Variants in FRYL observed in about 807,000 individuals in gnomAD.
The protein encoded by FRYL is FRY like transcription coactivator.
FRYL carries 150 observed loss-of-function variants against 351.2 expected under a neutral mutation model. The ratio of observed to expected loss-of-function variants is 0.43; its 90% CI spans 0.37 to 0.49. The LOEUF (loss-of-function observed/expected upper bound fraction) is 0.49. Among genes scored for constraint, FRYL ranks in the 20% least tolerant of loss-of-function variants. The pLI is 0.00. For synonymous variants in FRYL, 1,153 were observed against 1,257.1 expected (o/e 0.92, Z 1.75); for missense variants, 3,036 against 3,619.3 (o/e 0.84, Z 4.13).
intron 3 of FRYL, among the ~76,000 whole-genome samples, chr4:48,670,087 A>G (rs1443499929): frequency 2.0e-5 from 3 of 152,186 alleles, no homozygotes; most frequent in Non-Finnish European, 4.4e-5. Context: ...TATCCTTTGC[A>G]TTCCAGACAA....
chr4:48,761,310 G>A (rs766725298), intron 1 of FRYL, among the ~76,000 whole-genome samples: 2 of 152,058 alleles, frequency 1.3e-5, no homozygotes, highest in East Asian at 1.9e-4. Context: ...ATATAAAATC[G>A]TGGGTGCATA....
rs1489007682 is a variant in FRYL, at chr4:48,567,898, AG to A, written c.2997-479del. Among the ~76,000 whole-genome samples, 1 of 152,366 alleles carries A rather than the reference AG, an allele frequency of 6.6e-6. No homozygotes were observed. Among genetic ancestry groups the A allele is most frequent in the East Asian group, 1.9e-4 (1 of 5,190 alleles). On this transcript the variant is annotated intron_variant, in intron 27 of 63. Transcript: ENST00000358350. The surrounding 1 kb of genome is among the most constrained non-coding windows in gnomAD (Gnocchi z 4.2). ...GTATTATCAGGGATGCAAAAATCTA[AG>A]AGAATTCTTGTAAGAATAGGGTAGA...
In FRYL at chr4:48,684,784, A is replaced by AT. The variant is rs2149547645; in HGVS notation, c.-193dup. On this transcript the variant is annotated 5_prime_UTR_variant, in exon 3 of 64. Transcript: ENST00000358350. ...TGTTAACCATCCAAGATACCAATAA[A>AT]TGGCTTCAGCTCTGAGGAAAAACAA... is the stretch of plus-strand genomic sequence containing the variant. 1 of 152,328 alleles carries AT rather than the reference A, an allele frequency of 6.6e-6. No individual in the cohort carries two copies. Among genetic ancestry groups the AT allele is most frequent in the Non-Finnish European group, 1.5e-5 (1 of 68,030 alleles). The allele number at this position is 152,328 out of a possible 1,614,324, so 9.4% of individuals were successfully genotyped here.
At chr4:48,596,632 T>C (rs918150696) in intron 13 of FRYL, among the ~76,000 whole-genome samples, 3 of 152,216 alleles carry the variant, frequency 2.0e-5, no homozygotes, top group African/African-American at 7.2e-5. Flanking sequence ...AGTTAATATC[T>C]GTAAAGCACT....
intron 3 of FRYL, among the ~76,000 whole-genome samples, chr4:48,651,339 G>GTGTA (rs1391767970): frequency 1.7e-4 from 19 of 110,264 alleles, no homozygotes; most frequent in African/African-American, 5.8e-4. Context: ...GTGTGTGTGT[G>GTGTA]TAGTGGTAGA....
chr4:48,698,758 G>A (rs541952579), intron 2 of FRYL, among the ~76,000 whole-genome samples: 2 of 152,132 alleles, frequency 1.3e-5, no homozygotes, highest in South Asian at 2.1e-4. Context: ...TACACATCCT[G>A]TAACTCTGAA....
intron 4 of FRYL, among the ~76,000 whole-genome samples, chr4:48,633,487 T>C (rs1338838632): frequency 1.3e-5 from 2 of 152,168 alleles, no homozygotes; most frequent in African/African-American, 2.4e-5. Flanking sequence ...ACTAATTCCA[T>C]GTGGTGAGAT....
intron 13 of FRYL, among the ~76,000 whole-genome samples, chr4:48,597,141 T>C (rs1447442854): frequency 6.6e-6 from 1 of 152,172 alleles, no homozygotes; most frequent in Non-Finnish European, 1.5e-5. Flanking sequence ...ATACTACAAA[T>C]ATAACAACCA....
At chr4:48,565,284 G>GA (rs11439796) in intron 29 of FRYL, among the ~76,000 whole-genome samples, 150,398 of 152,212 alleles carry the variant, frequency 0.99, 74,324 homozygotes, top group East Asian at 1. Flanking sequence ...TTAAGTAAGG[G>GA]AAAAAAGGCA....
chr4:48,661,646 C>T (rs1261748853), intron 3 of FRYL, among the ~76,000 whole-genome samples: 3 of 152,180 alleles, frequency 2.0e-5, no homozygotes, highest in African/African-American at 7.2e-5. Flanking sequence ...ACAAACAACA[C>T]TCTTTAAAAT....
chr4:48,712,146 T>C (rs925897169), intron 1 of FRYL, among the ~76,000 whole-genome samples: 3 of 151,996 alleles, frequency 2.0e-5, no homozygotes, highest in African/African-American at 7.3e-5. Context: ...CTGGAAACTC[T>C]AAAAAGCAGG....
chr4:48,664,739 C>T (rs948108364), intron 3 of FRYL, among the ~76,000 whole-genome samples: 1 of 152,052 alleles, frequency 6.6e-6, no homozygotes, highest in African/African-American at 2.4e-5. Flanking sequence ...TGCTTGCTAG[C>T]CAACAATAAC....
intron 49 of FRYL, among the ~76,000 whole-genome samples, chr4:48,532,280 G>A (rs1384526822): frequency 6.6e-6 from 1 of 152,124 alleles, no homozygotes; most frequent in Non-Finnish European, 1.5e-5. Context: ...ATAACATCTT[G>A]CTATGAAGAC....
At chr4:48,718,640 T>C (rs1769133250) in intron 1 of FRYL, among the ~76,000 whole-genome samples, 1 of 151,472 alleles carries the variant, frequency 6.6e-6, no homozygotes, top group African/African-American at 2.4e-5. Flanking sequence ...TACAGTCCCA[T>C]ACTCTCTACA....
intron 62 of FRYL, among the ~76,000 whole-genome samples, chr4:48,501,211 G>A (rs187025187): frequency 1.2e-4 from 18 of 151,898 alleles, no homozygotes; most frequent in Admixed American, 1.2e-3. Flanking sequence ...GATTTTCTGA[G>A]ACAGGGTCTT....
chr4:48,558,664 T>C (rs773677478), intron 33 of FRYL, among the ~76,000 whole-genome samples: 1 of 152,214 alleles, frequency 6.6e-6, no homozygotes, highest in African/African-American at 2.4e-5. Flanking sequence ...TAATTTTAAA[T>C]TGACCCATTA....
At chr4:48,779,725 G>T (rs760675265) in intron 1 of FRYL, among the ~76,000 whole-genome samples, 18 of 152,030 alleles carry the variant, frequency 1.2e-4, no homozygotes, top group Admixed American at 2.6e-4. Flanking sequence ...GGCGCGCGAG[G>T]GGTACCCGGG....
At chr4:48,699,326 C>T (rs547096063) in intron 2 of FRYL, among the ~76,000 whole-genome samples, 54 of 152,246 alleles carry the variant, frequency 3.5e-4, no homozygotes, top group African/African-American at 1.3e-3. Flanking sequence ...ACATCATTTG[C>T]TTTAAATATT....
chr4:48,601,960 T>C, intron 13 of FRYL, 60 bp downstream of exon 13: 1 of 949,960 alleles, frequency 1.1e-6, no homozygotes, highest in Non-Finnish European at 1.7e-6. Flanking sequence ...GTTCAATTTA[T>C]ATGCATAAAC....
Sources: gnomAD v4.1 joint callset for allele counts (sites outside exome capture counted in the v4.1 genomes callset) on GRCh38, gnomAD v4.1.1 for gene constraint, Gnocchi (gnomAD v3.1) non-coding constraint, MANE v1.5 for transcripts, NCBI Gene and HGNC (gene_info 2026-07-23, HGNC 2026-07-21) for gene names.